TIAM2: variants seen among roughly 807,000 people sequenced by gnomAD.
The protein encoded by TIAM2 is rho guanine nucleotide exchange factor TIAM2.
A neutral mutation model predicts 152.9 loss-of-function variants in TIAM2; 80 were observed. That is an observed-to-expected ratio of 0.52 (90% CI 0.44 to 0.63). The LOEUF (loss-of-function observed/expected upper bound fraction) is 0.63, where lower values mean the gene tolerates loss of function less well. TIAM2 is among the 30% of genes least tolerant of loss of function. The probability of loss-of-function intolerance (pLI) is 0.00; values close to 1 mark genes in which losing one functional copy is unlikely to be tolerated. For missense variants in TIAM2, 1,965 were observed against 2,120.1 expected (o/e 0.93, Z 1.44); for synonymous variants, 804 against 838.0 (o/e 0.96, Z 0.70).
In TIAM2 at chr6:155,143,396, G is replaced by C. The variant is rs887337816; in HGVS notation, c.1631-1210G>C. 2.0e-5 allele frequency among the ~76,000 whole-genome samples: 3 copies of C among 152,180 alleles called. No homozygotes were observed. In the East Asian group the frequency reaches 5.8e-4, roughly 29 times the overall value. On this transcript the variant is annotated intron_variant, in intron 5 of 26. Transcript: ENST00000682666. ...TAAGTACTTAAAAGCATATGTTGCA[G>C]TATTTTTAGAGTAACGTTTGAAAAT...
At chr6:155,118,660 C>T (rs1779073700) in intron 2 of TIAM2, among the ~76,000 whole-genome samples, 1 of 152,024 alleles carries the variant, frequency 6.6e-6, no homozygotes, top group Admixed American at 6.6e-5. Context: ...GTCTCAAACT[C>T]CTGACCTCAG....
At chr6:155,072,929 AT>A (rs766188162) in intron 1 of TIAM2, among the ~76,000 whole-genome samples, 2 of 152,106 alleles carry the variant, frequency 1.3e-5, no homozygotes, top group Non-Finnish European at 2.9e-5. Context: ...CTTATTTTGG[AT>A]TATGTGATGA....
intron 2 of TIAM2, among the ~76,000 whole-genome samples, chr6:155,101,842 C>T (rs1206805403): frequency 6.6e-6 from 1 of 152,050 alleles, no homozygotes; most frequent in African/African-American, 2.4e-5. Context: ...GCTGAGACTA[C>T]AGGTGGACAC....
chr6:155,085,657 TAAAAC>T (rs1258774390), intron 1 of TIAM2, among the ~76,000 whole-genome samples: 1 of 151,972 alleles, frequency 6.6e-6, no homozygotes, highest in African/African-American at 2.4e-5. Flanking sequence ...ACTGTAAAAA[TAAAAC>T]CACTTTTCAT....
chr6:155,035,191 G>GTTT (rs72560664), intron 1 of TIAM2, among the ~76,000 whole-genome samples: 9 of 149,992 alleles, frequency 6.0e-5, no homozygotes, highest in Middle Eastern at 3.5e-3. Flanking sequence ...TTGTTTTGCT[G>GTTT]TTTTTTTTAT....
intron 7 of TIAM2, among the ~76,000 whole-genome samples, chr6:155,160,152 T>A (rs1006666787): frequency 3.3e-5 from 5 of 152,216 alleles, no homozygotes; most frequent in Non-Finnish European, 7.3e-5. Context: ...AGTTCCAGTC[T>A]GAGTCTAAGG....
At chr6:155,024,204 C>G (rs1016996838) in intron 1 of TIAM2, among the ~76,000 whole-genome samples, 1 of 152,142 alleles carries the variant, frequency 6.6e-6, no homozygotes, top group Non-Finnish European at 1.5e-5. Flanking sequence ...GGCCACGTTT[C>G]TTTGGTAAGA....
chr6:155,086,583 T>C (rs966709795), intron 1 of TIAM2, among the ~76,000 whole-genome samples: 2 of 151,848 alleles, frequency 1.3e-5, no homozygotes, highest in African/African-American at 2.4e-5. Flanking sequence ...GGCGTGCACC[T>C]GTAATCCCGG....
chr6:155,042,319 T>C (rs764793660), intron 1 of TIAM2, among the ~76,000 whole-genome samples: 12 of 151,996 alleles, frequency 7.9e-5, no homozygotes, highest in Non-Finnish European at 1.3e-4. Flanking sequence ...TTAATTTAAA[T>C]TGCAAGCAGG....
At chr6:155,164,960 C>G (rs1780382221) in intron 8 of TIAM2, among the ~76,000 whole-genome samples, 1 of 152,102 alleles carries the variant, frequency 6.6e-6, no homozygotes, top group Non-Finnish European at 1.5e-5. Context: ...GCAGAGCGCC[C>G]CATCAGGTTT....
At chr6:155,141,295 A>G (rs1326130099) in intron 5 of TIAM2, among the ~76,000 whole-genome samples, 1 of 152,094 alleles carries the variant, frequency 6.6e-6, no homozygotes, top group African/African-American at 2.4e-5. Flanking sequence ...TCCTCTGGGA[A>G]TTCAGTATGT....
chr6:155,070,005 C>G (rs936222541), intron 1 of TIAM2, among the ~76,000 whole-genome samples: 3 of 148,042 alleles, frequency 2.0e-5, no homozygotes, highest in Non-Finnish European at 3.0e-5. Flanking sequence ...GTCTGGCAGT[C>G]AAGCAATTCC....
chr6:155,160,375 GC>G lies in TIAM2; in HGVS notation c.2029-4037del, dbSNP rs1780238018. ...TCAGGTGGTCAACAGATTGGATGAG[GC>G]CCACCCACATTAGGGAAGGCAATCC... is the stretch of plus-strand genomic sequence containing the variant. On this transcript the variant is annotated intron_variant, in intron 7 of 26. Coordinates refer to ENST00000682666, the MANE Select transcript of TIAM2 (RefSeq NM_012454.4). Among the ~76,000 whole-genome samples the G allele has an allele frequency of 2.0e-5, 3 of 152,160 alleles. No individual in the cohort carries two copies. The South Asian group carries it at 6.2e-4, about 32-fold the overall frequency.
rs565458216 is a variant in TIAM2 at position 155,070,051 on chromosome 6, C to T, written c.-208-20238C>T. ...CCTCCCGAGTAGCTGGGATTACAGGCGTCTACCACCACACCCAGCTAATTT... is the reference window on the plus strand; with the variant it reads ...CCTCCCGAGTAGCTGGGATTACAGGTGTCTACCACCACACCCAGCTAATTT... On this transcript the variant is annotated intron_variant, in intron 1 of 26. Transcript: ENST00000682666. Among the ~76,000 whole-genome samples, 267 of 149,862 alleles carry T rather than the reference C, an allele frequency of 1.8e-3. 1 individual carries two copies. Among genetic ancestry groups the T allele is most frequent in the African/African-American group, 6.2e-3 (251 of 40,722 alleles).
intron 1 of TIAM2, among the ~76,000 whole-genome samples, chr6:155,003,427 C>A (rs1275780808): frequency 6.6e-6 from 1 of 151,970 alleles, no homozygotes; most frequent in East Asian, 1.9e-4. Flanking sequence ...TTGCAGTGAG[C>A]CGAGATCACA....
chr6:155,041,106 C>T (rs1242610917), intron 1 of TIAM2, among the ~76,000 whole-genome samples: 1 of 152,000 alleles, frequency 6.6e-6, no homozygotes, highest in Non-Finnish European at 1.5e-5. Flanking sequence ...GATATGCTTG[C>T]CAAACTCATT....
At chr6:154,996,406 TG>T (rs1778212446) in intron 1 of TIAM2, among the ~76,000 whole-genome samples, 1 of 152,158 alleles carries the variant, frequency 6.6e-6, no homozygotes, top group Non-Finnish European at 1.5e-5. Flanking sequence ...AGAGGCCACT[TG>T]GTGACACTCC....
intron 5 of TIAM2, among the ~76,000 whole-genome samples, chr6:155,142,814 A>C (rs1458567490): frequency 6.6e-6 from 1 of 152,218 alleles, no homozygotes; most frequent in Non-Finnish European, 1.5e-5. Flanking sequence ...GAGATCATAA[A>C]GTACCATGGA....
rs2114983380 is a variant in TIAM2, at chr6:155,093,643, C to G, written c.-118+3264C>G. Among the ~76,000 whole-genome samples the G allele has an allele frequency of 2.6e-5, 4 of 152,296 alleles. 1 individual carries two copies. Among genetic ancestry groups the G allele is most frequent in the Admixed American group, 2.6e-4 (4 of 15,298 alleles). On this transcript the variant is annotated intron_variant, in intron 2 of 26. Transcript: ENST00000682666. Reference sequence around the variant, plus strand: ...AGAGCTGTGGAAAGATGAGATGGTGCCTCTTTGCAATAGTGAGCGTCTCAG... The same window carrying G: ...AGAGCTGTGGAAAGATGAGATGGTGGCTCTTTGCAATAGTGAGCGTCTCAG...
Sources: allele counts gnomAD v4.1 joint callset (sites outside exome capture counted in the v4.1 genomes callset), GRCh38; gene constraint gnomAD v4.1.1; transcripts MANE v1.5; gene names NCBI Gene and HGNC (gene_info 2026-07-23, HGNC 2026-07-21).